The following TJP1 variants were observed in gnomAD, a reference collection of about 807,000 sequenced individuals.
TJP1 encodes tight junction protein ZO-1.
Under a neutral mutation model 194.2 loss-of-function variants are expected in TJP1, and 43 were observed. The observed-to-expected ratio is 0.22, with a 90% confidence interval of 0.17 to 0.29. The LOEUF (loss-of-function observed/expected upper bound fraction) is 0.29. Ranked by LOEUF, TJP1 falls within the 10% of genes least tolerant of loss-of-function variation. The pLI is 1.00. For synonymous variants in TJP1, 801 were observed against 779.0 expected (o/e 1.03, Z -0.47); for missense variants, 1,971 against 2,185.7 (o/e 0.90, Z 1.96).
chr15:29,784,120 T>C (rs1249328193), intron 2 of TJP1, among the ~76,000 whole-genome samples: 1 of 151,884 alleles, frequency 6.6e-6, no homozygotes, highest in Non-Finnish European at 1.5e-5. Context: ...AGAGAAAAAT[T>C]AGTTTAAAAA....
At chr15:29,949,471 C>CTCCACCTCCACAACCACCACCTCT (rs1567225024) in intron 2 of TJP1, among the ~76,000 whole-genome samples, 5 of 96,906 alleles carry the variant, frequency 5.2e-5, no homozygotes, top group East Asian at 5.2e-4. Flanking sequence ...CCACCACCAC[C>CTCCACCTCCACAACCACCACCTCT]ACCTCCACAA....
At position 29,888,209 on chromosome 15, in the gene TJP1, T is replaced by A. The variant is rs139622589; in HGVS notation, c.306+68023A>T. Among the ~76,000 whole-genome samples, 153 of 152,142 alleles carry A rather than the reference T, an allele frequency of 1.0e-3. 2 individuals are homozygous for A. Among genetic ancestry groups the A allele is most frequent in the African/African-American group, 3.6e-3 (148 of 41,558 alleles). ...TTTATTTTTTAAATATAGATTTATA[T>A]ATGAAAGTATTAAAATATTTATTTA... On this transcript the variant is annotated intron_variant, in intron 2 of 28. Coordinates refer to the TJP1 transcript ENST00000356107.
rs200755614 is a variant in TJP1, at chr15:29,766,315, C to G, written c.540G>C (p.Gln180His). The stretch of plus-strand genomic sequence containing the variant: ...GTGTGACTTTAGTAGGTTTAGCAGG[C>G]TGGCTGGAAGCCACTGACCGCCTGT... ...RSDRRSVASSQPAKPTKVTLV... is the reference protein window; with the variant it reads ...RSDRRSVASSHPAKPTKVTLV... Residue 180 changes from glutamine to histidine, a missense_variant, in exon 5 of 28, where the codon CAG becomes CAC. Transcript: ENST00000614355. 8.1e-6 allele frequency: 13 copies of G among 1,614,210 alleles called. No homozygotes were observed. The Admixed American group carries it at 1.8e-4, about 23-fold the overall frequency.
chr15:29,934,454 C>T (rs549717449), intron 2 of TJP1, among the ~76,000 whole-genome samples: 9 of 152,300 alleles, frequency 5.9e-5, no homozygotes, highest in Admixed American at 2.0e-4. Context: ...ATTGAGGTTG[C>T]CCTTTTGTAA....
chr15:29,964,545 G>T (rs1869990386), intron 1 of TJP1, among the ~76,000 whole-genome samples: 1 of 152,136 alleles, frequency 6.6e-6, no homozygotes, highest in Non-Finnish European at 1.5e-5. Context: ...CTCCCCTACA[G>T]CATTTGAGGG....
chr15:29,939,443 G>A (rs1252363185), intron 2 of TJP1, among the ~76,000 whole-genome samples: 4 of 151,954 alleles, frequency 2.6e-5, no homozygotes, highest in African/African-American at 9.7e-5. Flanking sequence ...AATTCCCTCT[G>A]GTTCACAGCC....
At chr15:29,884,783 G>A (rs569355150) in intron 2 of TJP1, among the ~76,000 whole-genome samples, 2 of 152,238 alleles carry the variant, frequency 1.3e-5, no homozygotes, top group African/African-American at 2.4e-5. Flanking sequence ...GTTCAAGGAA[G>A]GCTGCCACAA....
chr15:29,733,432 A>G, intron 12 of TJP1, 119 bp from the exon 13 acceptor site: 1 of 729,370 alleles, frequency 1.4e-6, no homozygotes, highest in Non-Finnish European at 2.2e-6. Context: ...AATTCTTACT[A>G]TGTGCCAGGT....
intron 2 of TJP1, among the ~76,000 whole-genome samples, chr15:29,897,345 G>T (rs2053508385): frequency 6.6e-6 from 1 of 152,232 alleles, no homozygotes; most frequent in Admixed American, 6.5e-5. Context: ...AAGAACTGAG[G>T]TTTGGGAACC....
rs1055493816 is a variant in TJP1, at chr15:29,766,445, T to C, written c.410A>G (p.His137Arg). ...NEEDSYDEEI[H>R]DPRSGRSGVV... ...ACCACTCCGGCCACTTCTTGGATCA[T>C]GTATTTCCTCATCATAACTATCTTC... The change falls in exon 5 of 28, where the codon CAT (histidine) becomes CGT (arginine). Residue 137 changes from histidine (H) to arginine (R), a missense_variant. Around this residue, in one of 5 missense-constraint regions of TJP1, gnomAD observed 245 missense variants for 336.6 expected, o/e 0.73. Transcript: ENST00000614355. 4 of 1,614,102 alleles carry C rather than the reference T, an allele frequency of 2.5e-6. No individual in the cohort carries two copies. Among genetic ancestry groups the C allele is most frequent in the Non-Finnish European group, 3.4e-6 (4 of 1,179,998 alleles).
At chr15:29,833,883 T>TATATATATA (rs1451785597) in intron 2 of TJP1, among the ~76,000 whole-genome samples, 18 of 9,828 alleles carry the variant, frequency 1.8e-3, no homozygotes, top group Admixed American at 3.2e-3. Context: ...ATATATATAT[T>TATATATATA]TTTTTTTTTT....
chr15:29,879,545 T>G (rs570234750), intron 2 of TJP1, among the ~76,000 whole-genome samples: 1 of 152,344 alleles, frequency 6.6e-6, no homozygotes, highest in Admixed American at 6.5e-5. Flanking sequence ...GGTGAACTTT[T>G]ACAGTGGTTT....
chr15:29,818,384 C>T (rs1363372642), intron 1 of TJP1, among the ~76,000 whole-genome samples: 1 of 152,208 alleles, frequency 6.6e-6, no homozygotes, highest in East Asian at 1.9e-4. Flanking sequence ...TCTTTGGTGA[C>T]GCAGAGAACC....
intron 15 of TJP1, chr15:29,730,746 G>C (rs2043587075): frequency 1.3e-6 from 1 of 768,094 alleles, no homozygotes; most frequent in Non-Finnish European, 2.4e-6. Context: ...GGATGCTAAG[G>C]GAGATAAAGC....
chr15:29,965,965 G>T (rs1364237551), intron 1 of TJP1, among the ~76,000 whole-genome samples: 1 of 152,152 alleles, frequency 6.6e-6, no homozygotes, highest in Non-Finnish European at 1.5e-5. Flanking sequence ...CCGCCTCTTA[G>T]TAAGATGGTT....
chr15:29,811,790 C>T (rs992904601), intron 1 of TJP1, among the ~76,000 whole-genome samples: 5 of 152,006 alleles, frequency 3.3e-5, no homozygotes, highest in African/African-American at 4.8e-5. Context: ...TAAATGAATC[C>T]TCCTTCTGAA....
intron 8 of TJP1, among the ~76,000 whole-genome samples, chr15:29,744,768 G>A (rs911837370): frequency 2.0e-5 from 3 of 152,078 alleles, no homozygotes; most frequent in African/African-American, 4.8e-5. Context: ...TGTACTCATC[G>A]TCGACAATTA....
At chr15:29,776,172 C>T (rs1715274244) in intron 2 of TJP1, among the ~76,000 whole-genome samples, 1 of 152,054 alleles carries the variant, frequency 6.6e-6, no homozygotes, top group Admixed American at 6.6e-5. Flanking sequence ...CAAAGGCCAA[C>T]ACTACATAAA....
Position 29,737,332 on chromosome 15 carries a change from C to T in TJP1, c.1339G>A (p.Val447Ile). Reference sequence around the variant, plus strand: ...GGGCTATCTTCTAGAACGCCAGCTACAAATATTCCAACATCATTTCCACCA... The same window carrying T: ...GGGCTATCTTCTAGAACGCCAGCTATAAATATTCCAACATCATTTCCACCA... ...LAGGNDVGIF[V>I]AGVLEDSPAA... is the part of the protein sequence containing the mutation. Residue 447 changes from valine (V) to isoleucine (I), a missense_variant, in exon 11 of 28, where the codon GTA (valine) becomes ATA (isoleucine). Val to Ile is a conservative substitution (Grantham distance 29). Transcript: ENST00000614355. The T allele has an allele frequency of 6.2e-7, 1 of 1,614,170 alleles. No individual in the cohort carries two copies. Among genetic ancestry groups the T allele is most frequent in the Non-Finnish European group, 8.5e-7 (1 of 1,180,028 alleles).
Sources: allele counts gnomAD v4.1 joint callset (sites outside exome capture counted in the v4.1 genomes callset), GRCh38; gene constraint gnomAD v4.1.1; regional missense constraint gnomAD v4.1.1; transcripts MANE v1.5; gene names NCBI Gene and HGNC (gene_info 2026-07-23, HGNC 2026-07-21).